CDH1: variants seen among roughly 807,000 people sequenced by gnomAD.
CDH1 encodes cadherin-1.
Under a neutral mutation model 84.5 loss-of-function variants are expected in CDH1, and 35 were observed. That is an observed-to-expected ratio of 0.41 (90% CI 0.32 to 0.55). The LOEUF (loss-of-function observed/expected upper bound fraction) is 0.55. CDH1 is among the 20% of genes least tolerant of loss of function. The probability of loss-of-function intolerance (pLI) is 0.19; values close to 1 mark genes in which losing one functional copy is unlikely to be tolerated. For synonymous variants in CDH1, 417 were observed against 439.0 expected, an observed-to-expected ratio of 0.95 and a Z score of 0.63; for missense variants, 994 against 1,126.6, an observed-to-expected ratio of 0.88 and a Z score of 1.68.
intron 2 of CDH1, among the ~76,000 whole-genome samples, chr16:68,747,922 C>T (rs1409100748): frequency 1.3e-5 from 2 of 152,050 alleles, no homozygotes; most frequent in East Asian, 1.9e-4. Context: ...TGCCAACACA[C>T]CCGGCTAATT....
At chr16:68,761,435 A>G (rs2152119292) in intron 2 of CDH1, among the ~76,000 whole-genome samples, 1 of 152,240 alleles carries the variant, frequency 6.6e-6, no homozygotes, top group East Asian at 1.9e-4. Context: ...TCTATCCTCC[A>G]TTCGTTTGTT....
intron 2 of CDH1, among the ~76,000 whole-genome samples, chr16:68,799,771 TG>T (rs1208995098): frequency 6.6e-6 from 1 of 152,050 alleles, no homozygotes; most frequent in African/African-American, 2.4e-5. Context: ...CCCAGCACTT[TG>T]GGAGGCGAGG....
chr16:68,741,425 C>T (rs2152115316), intron 2 of CDH1, among the ~76,000 whole-genome samples: 1 of 152,292 alleles, frequency 6.6e-6, no homozygotes, highest in Non-Finnish European at 1.5e-5. Context: ...GTAACATTGG[C>T]ACCAGGTTTA....
chr16:68,834,498 T>C lies in CDH1; in HGVS notation c.*999T>C, dbSNP rs1194413867. 2 of 289,836 alleles carry C rather than the reference T, an allele frequency of 6.9e-6. No individual in the cohort carries two copies. Among genetic ancestry groups the C allele is most frequent in the Non-Finnish European group, 1.3e-5 (2 of 149,556 alleles). The allele number at this position is 289,836 out of a possible 1,614,324, so 18.0% of individuals were successfully genotyped here. On this transcript the variant is annotated 3_prime_UTR_variant, in exon 16 of 16. Transcript: ENST00000261769. ...CCCCAAAGTGCTGGGATTGTGGGCA[T>C]GAGCTGCTGTGCCCAGCCTCCATGT... is the stretch of plus-strand genomic sequence containing the variant.
At chr16:68,806,156 AT>A (rs1168720431) in intron 3 of CDH1, among the ~76,000 whole-genome samples, 23 of 73,026 alleles carry the variant, frequency 3.1e-4, no homozygotes, top group South Asian at 9.7e-4. Flanking sequence ...TTATTTATTT[AT>A]TTATTTATTT....
chr16:68,827,818 C>T (rs1254614931), intron 13 of CDH1, among the ~76,000 whole-genome samples: 1 of 152,132 alleles, frequency 6.6e-6, no homozygotes, highest in Non-Finnish European at 1.5e-5. Context: ...TCCTCACCTT[C>T]CCTCCATCAC....
At chr16:68,806,067 C>T (rs1227653214) in intron 3 of CDH1, among the ~76,000 whole-genome samples, 1 of 152,136 alleles carries the variant, frequency 6.6e-6, no homozygotes, top group Non-Finnish European at 1.5e-5. Flanking sequence ...CTTGCCTCAG[C>T]CTCCTGAGTA....
At chr16:68,823,134 G>T in intron 12 of CDH1, 1 of 462,436 alleles carries the variant, frequency 2.2e-6, no homozygotes, top group Middle Eastern at 6.2e-4. Context: ...GAAGAGCCCC[G>T]CTCTGCCTAA....
At chr16:68,747,054 CAG>C (rs1462072072) in intron 2 of CDH1, among the ~76,000 whole-genome samples, 1 of 152,166 alleles carries the variant, frequency 6.6e-6, no homozygotes, top group Non-Finnish European at 1.5e-5. Flanking sequence ...CCCCTACACT[CAG>C]GGAGATTCCA....
At chr16:68,756,774 T>C (rs1486987323) in intron 2 of CDH1, among the ~76,000 whole-genome samples, 1 of 151,994 alleles carries the variant, frequency 6.6e-6, no homozygotes, top group Non-Finnish European at 1.5e-5. Context: ...GAGGCCAAAG[T>C]GGGAGGATTG....
intron 13 of CDH1, among the ~76,000 whole-genome samples, chr16:68,825,518 C>T (rs1385794012): frequency 6.6e-6 from 1 of 152,196 alleles, no homozygotes; most frequent in Non-Finnish European, 1.5e-5. Context: ...TTTCAACCTT[C>T]CAGAAATGTC....
rs750916649 is a variant in CDH1, at chr16:68,773,294, C to CTT, written c.164-28360_164-28359dup. Among the ~76,000 whole-genome samples, 35 of 138,828 alleles carry CTT rather than the reference C, an allele frequency of 2.5e-4. 1 individual carries two copies. Among genetic ancestry groups the CTT allele is most frequent in the African/African-American group, 2.4e-4 (9 of 37,788 alleles). 91.1% of individuals were successfully genotyped at this position (138,828 alleles called of 152,430 possible). A position where few individuals can be genotyped will look rare whatever the true frequency, so the allele number is the denominator to read the frequency against. On this transcript the variant is annotated intron_variant, in intron 2 of 15. Coordinates refer to ENST00000261769, the MANE Select transcript of CDH1 (RefSeq NM_004360.5). ...ATTGAGTTATACTCAAGTTATTTTC[C>CTT]TTTTTTTTTTTTTTTTTGTTGAGAT... is the stretch of plus-strand genomic sequence containing the variant.
intron 5 of CDH1, chr16:68,809,099 C>A (rs1310839599): frequency 5.7e-6 from 3 of 529,704 alleles, no homozygotes; most frequent in Non-Finnish European, 1.0e-5. Context: ...AAATTTAGAC[C>A]CAAGATGTCA....
At chr16:68,809,130 G>A (rs1597891458) in intron 5 of CDH1, 1 of 468,146 alleles carries the variant, frequency 2.1e-6, no homozygotes, top group East Asian at 4.1e-5. Flanking sequence ...GGGGCTGGAA[G>A]TCCCTGACCT....
At position 68,737,366 on chromosome 16, in the gene CDH1, C is replaced by G. The variant is rs876660969; in HGVS notation, c.-50C>G. Reference sequence around the variant, plus strand: ...GACTCCAGCCCGCTCCAGCCCGGCCCGACCCGACCGCACCCGGCGCCTGCC... The same window carrying G: ...GACTCCAGCCCGCTCCAGCCCGGCCGGACCCGACCGCACCCGGCGCCTGCC... On this transcript the variant is annotated 5_prime_UTR_variant, in exon 1 of 16. Transcript: ENST00000261769. 3.3e-6 allele frequency: 5 copies of G among 1,499,712 alleles called. No homozygotes were observed. The highest frequency in any genetic ancestry group is 2.5e-5 in the East Asian group (1 of 40,188). 92.9% of individuals were successfully genotyped at this position (1,499,712 alleles called of 1,614,324 possible).
chr16:68,828,352 A>G (rs776802176), intron 14 of CDH1, 48 bp downstream of exon 14: 4 of 1,605,588 alleles, frequency 2.5e-6, no homozygotes, highest in Admixed American at 3.3e-5. Flanking sequence ...CTTTATTCGG[A>G]AGAAGCAATG....
At position 68,806,894 on chromosome 16, in the gene CDH1, T is replaced by C. The variant is rs545321835; in HGVS notation, c.388-1530T>C. On this transcript the variant is annotated intron_variant, in intron 3 of 15. Coordinates refer to ENST00000261769, the MANE Select transcript of CDH1 (RefSeq NM_004360.5). ...GTGCACATGTGGCCAGTGTGCAGCATTGGGGAAGGGCTCTGTGATGATACC... is the reference window on the plus strand; with the variant it reads ...GTGCACATGTGGCCAGTGTGCAGCACTGGGGAAGGGCTCTGTGATGATACC... Among the ~76,000 whole-genome samples, 6 of 152,218 alleles carry C rather than the reference T, an allele frequency of 3.9e-5. No homozygotes were observed. In the South Asian group the frequency reaches 1.2e-3, roughly 32 times the overall value.
chr16:68,816,889 C>G (rs2152135655), intron 10 of CDH1, among the ~76,000 whole-genome samples: 1 of 152,256 alleles, frequency 6.6e-6, no homozygotes, highest in Non-Finnish European at 1.5e-5. Context: ...GATGAAAAGT[C>G]AAAGACAATA....
chr16:68,743,890 T>C (rs1368931789), intron 2 of CDH1, among the ~76,000 whole-genome samples: 2 of 152,238 alleles, frequency 1.3e-5, no homozygotes, highest in African/African-American at 4.8e-5. Context: ...TAATACTTAT[T>C]GATCTATTAT....
Sources: gnomAD v4.1 joint callset for allele counts (sites outside exome capture counted in the v4.1 genomes callset) on GRCh38, gnomAD v4.1.1 for gene constraint, MANE v1.5 for transcripts, NCBI Gene and HGNC (gene_info 2026-07-23, HGNC 2026-07-21) for gene names.